Variants in VPS13D observed in about 807,000 individuals in gnomAD.
The protein encoded by VPS13D is vacuolar protein sorting 13 homolog D, also known as intermembrane lipid transfer protein VPS13D.
In VPS13D, 187 loss-of-function variants were observed where a neutral mutation model predicts 461.9. The ratio of observed to expected loss-of-function variants is 0.40; its 90% CI spans 0.36 to 0.46. The LOEUF (loss-of-function observed/expected upper bound fraction) is 0.46. Ranked by LOEUF, VPS13D falls within the 20% of genes least tolerant of loss-of-function variation. VPS13D has a pLI of 0.60. For synonymous variants in VPS13D, 1,951 were observed against 1,986.3 expected (o/e 0.98, Z 0.47); for missense variants, 4,711 against 5,364.9 (o/e 0.88, Z 3.81).
At position 12,379,498 on chromosome 1, in the gene VPS13D, C is replaced by T; in HGVS notation, c.11092C>T (p.Leu3698=). 1 of 1,612,800 alleles carries T rather than the reference C, an allele frequency of 6.2e-7. No individual in the cohort carries two copies. Among genetic ancestry groups the T allele is most frequent in the Admixed American group, 1.7e-5 (1 of 59,880 alleles). Residue 3698 remains leucine, a synonymous_variant, in exon 57 of 70, where the codon CTG becomes TTG. Coordinates refer to ENST00000620676, the MANE Select transcript of VPS13D (RefSeq NM_015378.4). ...TATTCCGTTTTCCAGATACGAGCCA[C>T]TGATGCTGAGAAAGCCTGACCGCAG... is the stretch of plus-strand genomic sequence containing the variant. ...AAVTDNRYEP[L]MLRKPDRRRS...
rs28551666 is a variant in VPS13D, at chr1:12,341,811, A to C, written c.8658A>C (p.Pro2886=). 0.8 allele frequency: 1,290,061 copies of C among 1,613,470 alleles called. 516,863 individuals are homozygous for C. Among genetic ancestry groups the C allele is most frequent in the East Asian group, 0.91 (40,867 of 44,842 alleles). The stretch of plus-strand genomic sequence containing the variant: ...TGAAAACCCCCAAGCGCCGGCAGCC[A>C]TTTGTCCCCTTTGCTCTGAGGAACC... The part of the protein sequence containing the change: ...AEVKTPKRRQ[P]FVPFALRNHT... Residue 2886 remains proline (P), a synonymous_variant, in exon 41 of 70, where the codon CCA becomes CCC. Coordinates refer to ENST00000620676, the MANE Select transcript of VPS13D (RefSeq NM_015378.4).
chr1:12,318,112 A>C lies in VPS13D; in HGVS notation c.7189A>C (p.Asn2397His). The C allele has an allele frequency of 6.2e-7, 1 of 1,614,038 alleles. No homozygotes were observed. The highest frequency in any genetic ancestry group is 8.5e-7 in the Non-Finnish European group (1 of 1,179,928). Residue 2397 changes from asparagine to histidine, a missense_variant, in exon 31 of 70, where the codon AAT becomes CAT. Coordinates refer to ENST00000620676, the MANE Select transcript of VPS13D (RefSeq NM_015378.4). ...DSSCFTVVLN[N>H]LRVFLIFDWL... ...CTCCTGCTTTACAGTAGTTCTCAAC[A>C]ATCTCCGTGTGTTTCTCATATTTGA... is the stretch of plus-strand genomic sequence containing the variant.
intron 63 of VPS13D, among the ~76,000 whole-genome samples, chr1:12,412,475 A>G (rs1363485229): frequency 6.6e-6 from 1 of 152,240 alleles, no homozygotes; most frequent in East Asian, 1.9e-4. Context: ...GTGAAACAGA[A>G]GAGAGAATCC....
chr1:12,386,116 T>C, intron 59 of VPS13D, 69 bp from the exon 60 acceptor site: 1 of 1,489,042 alleles, frequency 6.7e-7, no homozygotes, highest in Non-Finnish European at 8.9e-7. Context: ...CTTTATTTTC[T>C]TATACTCTCC....
intron 46 of VPS13D, among the ~76,000 whole-genome samples, chr1:12,352,214 C>G (rs1228386970): frequency 6.6e-6 from 1 of 151,978 alleles, no homozygotes; most frequent in African/African-American, 2.4e-5. Context: ...TCGCTTGAAT[C>G]TGGGAGGCAG....
chr1:12,486,753 G>A (rs543326975), intron 67 of VPS13D, among the ~76,000 whole-genome samples: 1 of 152,276 alleles, frequency 6.6e-6, no homozygotes, highest in South Asian at 2.1e-4. Context: ...TTCCACTGCG[G>A]ACTGCCGCTT....
At chr1:12,346,225 A>G in intron 43 of VPS13D, among the ~76,000 whole-genome samples, 1 of 152,218 alleles carries the variant, frequency 6.6e-6, no homozygotes, top group Non-Finnish European at 1.5e-5. Context: ...ACACTGTTGC[A>G]CAACTGTCCA....
chr1:12,378,197 A>G (rs1644227502), intron 55 of VPS13D, among the ~76,000 whole-genome samples: 1 of 152,234 alleles, frequency 6.6e-6, no homozygotes, highest in Non-Finnish European at 1.5e-5. Flanking sequence ...AATGCACATT[A>G]TTTGTAATGT....
chr1:12,426,196 T>C (rs1301809892), intron 65 of VPS13D, among the ~76,000 whole-genome samples: 1 of 152,252 alleles, frequency 6.6e-6, no homozygotes, highest in Non-Finnish European at 1.5e-5. Flanking sequence ...CTGATGTTCC[T>C]GTTCCAAGAT....
chr1:12,412,495 T>A (rs573292967), intron 63 of VPS13D, among the ~76,000 whole-genome samples: 1 of 152,222 alleles, frequency 6.6e-6, no homozygotes, highest in Non-Finnish European at 1.5e-5. Context: ...CAGAAATGGA[T>A]GTATAATACC....
rs1489615469 is a variant in VPS13D at position 12,230,081 on chromosome 1, G to C, written c.-116G>C. ...AGGAGCGGCGGGGAGGAAACGCCGC[G>C]CAGCGCCGGGCTGGGGCGGGCGGCC... On this transcript the variant is annotated 5_prime_UTR_variant, in exon 1 of 70. Transcript: ENST00000620676. 3 of 151,896 alleles carry C rather than the reference G, an allele frequency of 2.0e-5. No individual in the cohort carries two copies. The highest frequency in any genetic ancestry group is 1.5e-5 in the Non-Finnish European group (1 of 68,012). The allele number at this position is 151,896 out of a possible 1,614,324, so 9.4% of individuals were successfully genotyped here. A position where few individuals can be genotyped will look rare whatever the true frequency, so the allele number is the denominator to read the frequency against.
chr1:12,470,943 A>AT (rs1645555233), intron 67 of VPS13D, among the ~76,000 whole-genome samples: 1 of 152,002 alleles, frequency 6.6e-6, no homozygotes, highest in East Asian at 1.9e-4. Context: ...TGATCCTTTG[A>AT]TTTTTTAGTT....
intron 67 of VPS13D, among the ~76,000 whole-genome samples, chr1:12,467,675 A>C (rs546590907): frequency 6.6e-6 from 1 of 152,312 alleles, no homozygotes; most frequent in East Asian, 1.9e-4. Flanking sequence ...GAAAGCTCAG[A>C]TCTATTGTTG....
chr1:12,462,257 G>A (rs1489335339), intron 67 of VPS13D, among the ~76,000 whole-genome samples: 2 of 152,222 alleles, frequency 1.3e-5, no homozygotes, highest in Non-Finnish European at 2.9e-5. Context: ...TGGGGAGAAG[G>A]AGGGTGGCTA....
At chr1:12,496,928 ACCACGTC>A (rs1383938944) in intron 67 of VPS13D, among the ~76,000 whole-genome samples, 1 of 152,004 alleles carries the variant, frequency 6.6e-6, no homozygotes, top group East Asian at 1.9e-4. Flanking sequence ...TCGCATGATT[ACCACGTC>A]CCTCACCCTT....
chr1:12,379,833 A>G (rs1292354204), intron 57 of VPS13D, among the ~76,000 whole-genome samples: 7 of 151,742 alleles, frequency 4.6e-5, no homozygotes, highest in Non-Finnish European at 8.8e-5. Context: ...CAGTGGCACA[A>G]TCTCGGCTCA....
chr1:12,352,780 A>G (rs1047555767), intron 46 of VPS13D, among the ~76,000 whole-genome samples: 3 of 151,960 alleles, frequency 2.0e-5, no homozygotes, highest in African/African-American at 7.3e-5. Context: ...CCTGACCAAC[A>G]TGGTAAAACC....
At chr1:12,372,869 A>G (rs1644140801) in intron 54 of VPS13D, among the ~76,000 whole-genome samples, 1 of 151,514 alleles carries the variant, frequency 6.6e-6, no homozygotes, top group Admixed American at 6.6e-5. Flanking sequence ...AAAACTTCCA[A>G]ACATCCCTAA....
At chr1:12,386,770 A>G (rs1644355757) in intron 60 of VPS13D, among the ~76,000 whole-genome samples, 1 of 152,246 alleles carries the variant, frequency 6.6e-6, no homozygotes, top group Admixed American at 6.5e-5. Flanking sequence ...AGACAATGGT[A>G]TTGAGACACT....
Sources: allele counts gnomAD v4.1 joint callset (sites outside exome capture counted in the v4.1 genomes callset), GRCh38; gene constraint gnomAD v4.1.1; transcripts MANE v1.5; gene names NCBI Gene and HGNC (gene_info 2026-07-23, HGNC 2026-07-21).